Variants in ABCA6 observed in about 807,000 individuals in gnomAD.
The protein encoded by ABCA6 is ATP-binding cassette sub-family A member 6.
Under a neutral mutation model 191.2 loss-of-function variants are expected in ABCA6, and 164 were observed. The ratio of observed to expected loss-of-function variants is 0.86; its 90% CI spans 0.76 to 0.98. The LOEUF is 0.98. ABCA6 is among the 50% of genes least tolerant of loss of function. ABCA6 has a pLI of 0.00. For missense variants in ABCA6, 1,958 were observed against 1,894.1 expected (o/e 1.03, Z -0.63); for synonymous variants, 636 against 647.7 (o/e 0.98, Z 0.27).
chr17:69,110,980 C>T (rs754113378), intron 16 of ABCA6, 40 bp from the exon 17 acceptor site: 3 of 1,542,072 alleles, frequency 1.9e-6, no homozygotes, highest in South Asian at 1.2e-5. Flanking sequence ...TGCATTTTCT[C>T]CACCACTATC....
At chr17:69,086,550 C>A in intron 30 of ABCA6, 68 bp downstream of exon 30, 1 of 875,174 alleles carries the variant, frequency 1.1e-6, no homozygotes, top group South Asian at 1.6e-5. Flanking sequence ...AAAACTGTGC[C>A]TATGACATAG....
rs907620886 is a variant in ABCA6 at position 69,087,932 on chromosome 17, A to G, written c.3698+235T>C. On this transcript the variant is annotated intron_variant, in intron 28 of 38. Coordinates refer to ENST00000284425, the MANE Select transcript of ABCA6 (RefSeq NM_080284.3). The stretch of plus-strand genomic sequence containing the variant: ...ATTATCTCAGACGAGAGAATGGCAT[A>G]TTTGGGTCCTTATTAAATTTTGGAT... Among the ~76,000 whole-genome samples, 27 of 152,162 alleles carry G rather than the reference A, an allele frequency of 1.8e-4. 1 individual carries two copies. Among genetic ancestry groups the G allele is most frequent in the Admixed American group, 9.8e-4 (15 of 15,274 alleles).
chr17:69,096,942 C>T, intron 23 of ABCA6, 141 bp from the exon 24 acceptor site: 1 of 653,154 alleles, frequency 1.5e-6, no homozygotes, highest in Admixed American at 4.0e-5. Context: ...TATGCATATA[C>T]TGCTTAGTAA....
chr17:69,123,244 G>A lies in ABCA6; in HGVS notation c.1431C>T (p.Ala477=), dbSNP rs752577345. 2.0e-6 allele frequency: 3 copies of A among 1,472,830 alleles called. No individual in the cohort carries two copies. Among genetic ancestry groups the A allele is most frequent in the East Asian group, 4.9e-5 (2 of 41,198 alleles). 91.2% of individuals were successfully genotyped at this position (1,472,830 alleles called of 1,614,324 possible). A position where few individuals can be genotyped will look rare whatever the true frequency, so the allele number is the denominator to read the frequency against. ...TTACTTATAAGTGTGATTACCTGAT[G>A]GCTTCTTTTCCTTGGAATTCAGGAG... ...PVAPEFQGKE[A]IRIRNVKKEY... The change falls in exon 10 of 39, where the codon GCC becomes GCT. Residue 477 remains alanine, a synonymous_variant. Coordinates refer to ENST00000284425, the MANE Select transcript of ABCA6 (RefSeq NM_080284.3).
intron 14 of ABCA6, 50 bp from the exon 15 acceptor site, chr17:69,113,410 T>C (rs545155356): frequency 1.3e-6 from 2 of 1,557,066 alleles, no homozygotes; most frequent in Admixed American, 2.2e-5. Context: ...ACATTAACTG[T>C]ATCCAGAAGA....
In ABCA6 at chr17:69,085,661, T is replaced by A. The variant is rs1313583891; in HGVS notation, c.3993A>T (p.Arg1331Ser). 1 of 1,612,496 alleles carries A rather than the reference T, an allele frequency of 6.2e-7. No individual in the cohort carries two copies. Among genetic ancestry groups the A allele is most frequent in the Non-Finnish European group, 8.5e-7 (1 of 1,179,310 alleles). Residue 1331 changes from arginine to serine, a missense_variant, in exon 31 of 39, where the codon AGA (arginine) becomes AGT (serine). Coordinates refer to ENST00000284425, the MANE Select transcript of ABCA6 (RefSeq NM_080284.3). ...PNGAGKSSSIRMISGITKPTA... is the reference protein window; with the variant it reads ...PNGAGKSSSISMISGITKPTA... Reference sequence around the variant, plus strand: ...TTGGCTTTGTGATCCCAGATATCATTCTAATAGATGAACTTTTTCCAGCAC... The same window carrying A: ...TTGGCTTTGTGATCCCAGATATCATACTAATAGATGAACTTTTTCCAGCAC...
At chr17:69,130,300 G>A (rs1041840519) in intron 6 of ABCA6, among the ~76,000 whole-genome samples, 2 of 151,184 alleles carry the variant, frequency 1.3e-5, no homozygotes, top group Admixed American at 1.3e-4. Flanking sequence ...CTGGGTGACA[G>A]AGCGAGACTC....
At chr17:69,138,564 A>G (rs1295797913) in intron 2 of ABCA6, among the ~76,000 whole-genome samples, 1 of 151,874 alleles carries the variant, frequency 6.6e-6, no homozygotes, top group East Asian at 1.9e-4. Flanking sequence ...CAAGCTACCA[A>G]TGACTTTCTT....
chr17:69,085,681 C>T lies in ABCA6; in HGVS notation c.3973G>A (p.Gly1325Arg). The change falls in exon 31 of 39, where the codon GGA becomes AGA. Residue 1325 changes from glycine (G) to arginine (R), a missense_variant. Physicochemically the swap from Gly to Arg is moderately radical, Grantham distance 125. Transcript: ENST00000284425. Reference sequence around the variant, plus strand: ...ATCATTCTAATAGATGAACTTTTTCCAGCACCATTGGGTCCTAGCAATCCC... The same window carrying T: ...ATCATTCTAATAGATGAACTTTTTCTAGCACCATTGGGTCCTAGCAATCCC... Reference protein sequence around the residue: ...ILGLLGPNGAGKSSSIRMISG... With the variant: ...ILGLLGPNGARKSSSIRMISG... 1 of 1,612,264 alleles carries T rather than the reference C, an allele frequency of 6.2e-7. No homozygotes were observed. The highest frequency in any genetic ancestry group is 8.5e-7 in the Non-Finnish European group (1 of 1,179,038).
At chr17:69,111,526 T>A (rs1375216594) in intron 16 of ABCA6, 1 of 152,322 alleles carries the variant, frequency 6.6e-6, no homozygotes, top group Non-Finnish European at 1.5e-5. Context: ...TCATGAGATA[T>A]GATGGTTTTA....
At position 69,086,486 on chromosome 17, in the gene ABCA6, A is replaced by AATAT. The variant is rs68086602; in HGVS notation, c.3937+128_3937+131dup. On this transcript the variant is annotated intron_variant, in intron 30 of 38. Coordinates refer to ENST00000284425, the MANE Select transcript of ABCA6 (RefSeq NM_080284.3). ...GTCTAAAACACTCCCTGGCACACTA[A>AATAT]ATATATATATATATATATATATATA... The AATAT allele has an allele frequency of 4.3e-3, 698 of 163,266 alleles. 15 individuals carry two copies. The highest frequency in any genetic ancestry group is 0.011 in the South Asian group (47 of 4,426). The allele number at this position is 163,266 out of a possible 1,614,324, so 10.1% of individuals were successfully genotyped here.
intron 26 of ABCA6, among the ~76,000 whole-genome samples, chr17:69,090,855 C>T (rs949969137): frequency 6.6e-5 from 10 of 152,140 alleles, no homozygotes; most frequent in African/African-American, 1.4e-4. Context: ...CTATATTTTG[C>T]AAAGTGAATA....
intron 21 of ABCA6, among the ~76,000 whole-genome samples, chr17:69,101,791 A>G (rs2073187376): frequency 6.6e-6 from 1 of 152,136 alleles, no homozygotes. Context: ...TATTGTTTAA[A>G]TCTTACCACT....
intron 22 of ABCA6, among the ~76,000 whole-genome samples, chr17:69,100,070 A>G (rs2073141227): frequency 6.6e-6 from 1 of 152,170 alleles, no homozygotes; most frequent in South Asian, 2.1e-4. Flanking sequence ...AAGTTCTTAG[A>G]GTGCAATTCC....
chr17:69,085,523 A>G, intron 31 of ABCA6, 102 bp downstream of exon 31: 1 of 656,900 alleles, frequency 1.5e-6, no homozygotes, highest in Non-Finnish European at 2.3e-6. Flanking sequence ...CAAAGGCAAA[A>G]AAAAAAAAAA....
chr17:69,078,826 A>C lies in ABCA6; in HGVS notation c.*147T>G. 2 of 512,950 alleles carry C rather than the reference A, an allele frequency of 3.9e-6. No homozygotes were observed. The highest frequency in any genetic ancestry group is 6.6e-6 in the Non-Finnish European group (2 of 303,238). 31.8% of individuals were successfully genotyped at this position (512,950 alleles called of 1,614,324 possible). On this transcript the variant is annotated 3_prime_UTR_variant, in exon 39 of 39. Transcript: ENST00000284425. ...ACCCCTATGTTTGAGAGGAAGAATA[A>C]TTTTAAAATTTATGTATTTGTTAAC...
At chr17:69,087,224 G>A in intron 29 of ABCA6, 129 bp downstream of exon 29, 1 of 1,193,652 alleles carries the variant, frequency 8.4e-7, no homozygotes, top group Non-Finnish European at 1.2e-6. Flanking sequence ...TCTTTGGAGT[G>A]TCCTGGACGC....
At position 69,114,938 on chromosome 17, in the gene ABCA6, C is replaced by G. The variant is rs202159258; in HGVS notation, c.1607-1G>C. The G allele has an allele frequency of 1.1e-5, 18 of 1,595,096 alleles. No homozygotes were observed. The highest frequency in any genetic ancestry group is 1.5e-5 in the Non-Finnish European group (18 of 1,169,778). On this transcript the variant is annotated splice_acceptor_variant, in intron 12 of 38. Transcript: ENST00000284425. LOFTEE classifies it high-confidence loss of function. ...TTTTTATTATAGATGGTAACTGATC[C>G]TAAGAATAGAAGTTAAAAATAAAAT...
chr17:69,085,106 A>G lies in ABCA6; in HGVS notation c.4106T>C (p.Leu1369Pro), dbSNP rs2144611174. Reference protein sequence around the residue: ...CPQENVLWPMLTLREHLEVYA... With the variant: ...CPQENVLWPMPTLREHLEVYA... ...CACCTCCAGGTGTTCCCTCAACGTCAGCATGGGCCACAGCACGTTCTCTTG... is the reference window on the plus strand; with the variant it reads ...CACCTCCAGGTGTTCCCTCAACGTCGGCATGGGCCACAGCACGTTCTCTTG... The change falls in exon 32 of 39, where the codon CTG becomes CCG. Residue 1369 changes from leucine to proline, a missense_variant. Leu to Pro is a moderately conservative substitution (Grantham distance 98, BLOSUM62 -3). Transcript: ENST00000284425. 2 of 1,613,702 alleles carry G rather than the reference A, an allele frequency of 1.2e-6. No homozygotes were observed. Among genetic ancestry groups the G allele is most frequent in the East Asian group, 4.5e-5 (2 of 44,858 alleles).
Sources: allele counts gnomAD v4.1 joint callset (sites outside exome capture counted in the v4.1 genomes callset), GRCh38; gene constraint gnomAD v4.1.1; transcripts MANE v1.5; gene names NCBI Gene and HGNC (gene_info 2026-07-23, HGNC 2026-07-21).